VDR: variants seen among roughly 807,000 people sequenced by gnomAD.
VDR encodes vitamin D receptor.
A neutral mutation model predicts 39.7 loss-of-function variants in VDR; 19 were observed. The ratio of observed to expected loss-of-function variants is 0.48; its 90% confidence interval spans 0.33 to 0.70. VDR has a LOEUF of 0.70. VDR is among the 30% of genes least tolerant of loss of function. VDR has a pLI of 0.02. For missense variants in VDR, 442 were observed against 570.5 expected (o/e 0.77, Z 2.29); for synonymous variants, 242 against 215.8 (o/e 1.12, Z -1.07).
At chr12:47,891,761 T>C (rs1592149788) in intron 1 of VDR, among the ~76,000 whole-genome samples, 1 of 152,316 alleles carries the variant, frequency 6.6e-6, no homozygotes, top group South Asian at 2.1e-4. Flanking sequence ...CAGTGTCACC[T>C]CCATCCCCCA....
intron 1 of VDR, among the ~76,000 whole-genome samples, chr12:47,899,599 T>G (rs1455987167): frequency 6.6e-6 from 1 of 152,200 alleles, no homozygotes; most frequent in Non-Finnish European, 1.5e-5. Context: ...TACCTAAAAT[T>G]TTAGTCATCT....
intron 3 of VDR, among the ~76,000 whole-genome samples, chr12:47,870,369 GAAAC>G (rs1408660633): frequency 1.3e-5 from 2 of 152,150 alleles, no homozygotes; most frequent in Non-Finnish European, 2.9e-5. Flanking sequence ...TTGGATTTGA[GAAAC>G]AAGAGCTTCA....
chr12:47,870,474 AG>A (rs1320019462), intron 3 of VDR, among the ~76,000 whole-genome samples: 1 of 145,252 alleles, frequency 6.9e-6, no homozygotes, highest in Non-Finnish European at 1.5e-5. Context: ...CAGCTCAGGA[AG>A]GGGGGGTAGG....
chr12:47,881,111 T>TAC, intron 2 of VDR, among the ~76,000 whole-genome samples: 1 of 115,296 alleles, frequency 8.7e-6, no homozygotes, highest in African/African-American at 2.6e-5. Context: ...TGTGTATATA[T>TAC]ATATATATAC....
intron 1 of VDR, among the ~76,000 whole-genome samples, chr12:47,894,831 T>C (rs191286980): frequency 1.3e-5 from 2 of 152,170 alleles, no homozygotes; most frequent in African/African-American, 4.8e-5. Flanking sequence ...CCAGATTTTA[T>C]AGAGGTGGGA....
At chr12:47,882,424 T>C (rs1212889734) in intron 2 of VDR, among the ~76,000 whole-genome samples, 1 of 151,888 alleles carries the variant, frequency 6.6e-6, no homozygotes, top group African/African-American at 2.4e-5. Context: ...GGGGGCTGGA[T>C]AGGAAACATC....
Position 47,857,487 on chromosome 12 carries a change from CCAG to C in VDR, c.462+14_462+16del. The C allele has an allele frequency of 6.2e-7, 1 of 1,614,164 alleles. No individual in the cohort carries two copies. The highest frequency in any genetic ancestry group is 8.5e-7 in the Non-Finnish European group (1 of 1,180,032). On this transcript the variant is annotated intron_variant, in intron 5 of 9. Coordinates refer to ENST00000549336, the MANE Select transcript of VDR (RefSeq NM_000376.3). ...TTCTCCTCTGGACCGGCTCATCCTC[CCAG>C]CAGGCAGACATACCCGGAACTGGCA...
intron 3 of VDR, among the ~76,000 whole-genome samples, chr12:47,870,405 C>T (rs1330676568): frequency 1.3e-5 from 2 of 152,146 alleles, no homozygotes; most frequent in Admixed American, 1.3e-4. Flanking sequence ...GAGCCCATTG[C>T]CTCAGCTGCT....
intron 7 of VDR, among the ~76,000 whole-genome samples, chr12:47,851,874 T>A (rs2137133502): frequency 6.6e-6 from 1 of 152,350 alleles, no homozygotes; most frequent in Middle Eastern, 3.4e-3. Flanking sequence ...CATCAATGGC[T>A]GGGCAGCTCC....
At chr12:47,848,124 G>C (rs866993507) in intron 7 of VDR, among the ~76,000 whole-genome samples, 1 of 152,072 alleles carries the variant, frequency 6.6e-6, no homozygotes, top group Non-Finnish European at 1.5e-5. Flanking sequence ...GGATGGTCTC[G>C]ATCTCCTGAC....
intron 2 of VDR, among the ~76,000 whole-genome samples, chr12:47,879,812 T>C (rs1349326004): frequency 6.6e-6 from 1 of 152,198 alleles, no homozygotes; most frequent in Non-Finnish European, 1.5e-5. Context: ...TGAATGTCCT[T>C]CTGAGTCATG....
At chr12:47,900,584 G>C (rs1156425318) in intron 1 of VDR, among the ~76,000 whole-genome samples, 3 of 152,138 alleles carry the variant, frequency 2.0e-5, no homozygotes, top group African/African-American at 7.2e-5. Flanking sequence ...CTAGTGATAG[G>C]TCTGGGAGGC....
chr12:47,869,221 G>A (rs992193604), intron 3 of VDR, among the ~76,000 whole-genome samples: 3 of 152,190 alleles, frequency 2.0e-5, no homozygotes, highest in Admixed American at 1.3e-4. Flanking sequence ...CACTTTGCCT[G>A]ACAACAGGAA....
intron 3 of VDR, among the ~76,000 whole-genome samples, chr12:47,866,388 C>A (rs1445417841): frequency 6.6e-6 from 1 of 152,246 alleles, no homozygotes; most frequent in African/African-American, 2.4e-5. Context: ...AGCCACTGTG[C>A]CTGGCCGAAG....
chr12:47,898,285 A>G (rs1471955362), intron 1 of VDR: 2 of 152,214 alleles, frequency 1.3e-5, no homozygotes, highest in Admixed American at 6.5e-5. Context: ...GAATAATACA[A>G]CTATTATAGC....
intron 1 of VDR, 152 bp downstream of exon 1, chr12:47,904,803 T>C (rs1946639614): frequency 3.4e-6 from 2 of 582,372 alleles, no homozygotes; most frequent in Admixed American, 3.0e-5. Context: ...CCCAGCCTCA[T>C]GGCACGACAG....
chr12:47,863,344 G>T (rs1204588886), intron 4 of VDR, among the ~76,000 whole-genome samples: 1 of 152,196 alleles, frequency 6.6e-6, no homozygotes. Flanking sequence ...TCCTGAGGTA[G>T]GAGAGGGGCC....
chr12:47,855,339 A>AAAATAAATAAATAAATAAATAAAT (rs11574093), intron 7 of VDR, among the ~76,000 whole-genome samples: 9 of 146,434 alleles, frequency 6.1e-5, no homozygotes, highest in African/African-American at 2.3e-4. Flanking sequence ...AAAAAAAATA[A>AAAATAAATAAATAAATAAATAAAT]AAATAAATAA....
At chr12:47,899,918 AG>A in intron 1 of VDR, 1 of 985,644 alleles carries the variant, frequency 1.0e-6, no homozygotes, top group Non-Finnish European at 1.2e-6. Context: ...AGAGGAGGCT[AG>A]AGTCCATTTC....
Sources: gnomAD v4.1 joint callset for allele counts (sites outside exome capture counted in the v4.1 genomes callset) on GRCh38, gnomAD v4.1.1 for gene constraint, MANE v1.5 for transcripts, NCBI Gene and HGNC (gene_info 2026-07-23, HGNC 2026-07-21) for gene names.